The following MAEL variants were observed in gnomAD, a reference collection of about 807,000 sequenced individuals.
The protein encoded by MAEL is maelstrom spermatogenic transposon silencer.
MAEL carries 46 observed loss-of-function variants against 62.0 expected under a neutral mutation model. The observed-to-expected ratio is 0.74, with a 90% CI of 0.59 to 0.95. The LOEUF is 0.95. Ranked by LOEUF, MAEL falls within the 40% of genes least tolerant of loss-of-function variation. The pLI, the probability that MAEL is intolerant of heterozygous loss-of-function variation, is 0.00. For synonymous variants in MAEL, 172 were observed against 175.5 expected (o/e 0.98, Z 0.16); for missense variants, 497 against 526.8 (o/e 0.94, Z 0.55).
Position 166,989,309 on chromosome 1 carries a change from G to A in MAEL, c.-44G>A, listed in dbSNP as rs772250307. On this transcript the variant is annotated 5_prime_UTR_variant, in exon 1 of 12. Coordinates refer to ENST00000367872, the MANE Select transcript of MAEL (RefSeq NM_032858.3). ...AGGGCGGGAGCCCGGCGAGGGCGCCGGTGCTTTGTTCTGTCTGAGGCCAGG... is the reference window on the plus strand; with the variant it reads ...AGGGCGGGAGCCCGGCGAGGGCGCCAGTGCTTTGTTCTGTCTGAGGCCAGG... The A allele has an allele frequency of 1.5e-5, 23 of 1,586,160 alleles. No individual in the cohort carries two copies. Among genetic ancestry groups the A allele is most frequent in the Admixed American group, 3.6e-5 (2 of 56,324 alleles).
In MAEL at chr1:166,991,430, A is replaced by C. The variant is rs1448849490; in HGVS notation, c.278A>C (p.Asn93Thr). 6.2e-7 allele frequency: 1 copy of C among 1,613,520 alleles called. No homozygotes were observed. The highest frequency in any genetic ancestry group is 1.1e-5 in the South Asian group (1 of 91,054). Residue 93 changes from asparagine to threonine, a missense_variant, in exon 3 of 12, where the codon AAT (asparagine) becomes ACT (threonine). Transcript: ENST00000367872. ...RRPGMLVPKQ[N>T]VSPPDMSALS... ...CCAGGCATGCTTGTACCAAAGCAGA[A>C]TGTTTCACCTCCAGATATGTCAGCT...
intron 8 of MAEL, among the ~76,000 whole-genome samples, chr1:167,008,300 A>G (rs1557983634): frequency 2.0e-5 from 3 of 152,126 alleles, no homozygotes; most frequent in East Asian, 3.9e-4. Flanking sequence ...CTGTTCTTCT[A>G]TGGAAATTGG....
chr1:167,014,354 A>G (rs1014650633), intron 8 of MAEL, among the ~76,000 whole-genome samples: 3 of 152,202 alleles, frequency 2.0e-5, no homozygotes, highest in African/African-American at 7.2e-5. Context: ...GTCCATTTTA[A>G]TGAGCTTTTG....
intron 9 of MAEL, among the ~76,000 whole-genome samples, chr1:167,016,676 A>T (rs1665403376): frequency 2.0e-5 from 3 of 152,272 alleles, no homozygotes; most frequent in Admixed American, 2.0e-4. Context: ...AGAAATATCT[A>T]CACTCCCATG....
chr1:166,989,943 G>A, intron 2 of MAEL, 114 bp downstream of exon 2: 1 of 797,014 alleles, frequency 1.3e-6, no homozygotes. Context: ...GGTTCGGTTA[G>A]TGCGAAGACG....
At chr1:167,018,710 T>G (rs997871052) in intron 10 of MAEL, among the ~76,000 whole-genome samples, 2 of 152,218 alleles carry the variant, frequency 1.3e-5, no homozygotes, top group African/African-American at 2.4e-5. Flanking sequence ...AGATTCATCC[T>G]AGTTAATTAT....
intron 3 of MAEL, 132 bp downstream of exon 3, chr1:166,991,609 G>T: frequency 3.5e-6 from 2 of 564,304 alleles, no homozygotes; most frequent in Non-Finnish European, 6.4e-6. Context: ...TAAATATTGT[G>T]GTACTGACAT....
At chr1:166,997,034 G>T (rs1036393782) in intron 5 of MAEL, among the ~76,000 whole-genome samples, 1 of 152,166 alleles carries the variant, frequency 6.6e-6, no homozygotes, top group South Asian at 2.1e-4. Flanking sequence ...CACCATGTTG[G>T]CCAGGCTGGT....
chr1:166,997,104 G>A (rs1664462395), intron 5 of MAEL, among the ~76,000 whole-genome samples: 2 of 152,194 alleles, frequency 1.3e-5, no homozygotes, highest in Non-Finnish European at 2.9e-5. Context: ...GGGCTTACAG[G>A]CGTGAGCCAC....
At chr1:166,985,043 A>T (rs909961990), upstream of MAEL, among the ~76,000 whole-genome samples, 3 of 152,202 alleles carry the variant, frequency 2.0e-5, no homozygotes, top group African/African-American at 7.2e-5. Context: ...CAACCTAATA[A>T]AAAAACTGGT....
intron 10 of MAEL, 28 bp from the exon 11 acceptor site, chr1:167,021,057 C>T (rs1408557307): frequency 6.6e-7 from 1 of 1,511,466 alleles, no homozygotes; most frequent in East Asian, 2.3e-5. Context: ...AAACATTTTT[C>T]CCCCTGGTAT....
At chr1:167,011,261 C>T (rs533087925) in intron 8 of MAEL, among the ~76,000 whole-genome samples, 9 of 152,246 alleles carry the variant, frequency 5.9e-5, no homozygotes, top group African/African-American at 1.4e-4. Context: ...TTGGAAATTA[C>T]AGTTTTCATT....
chr1:167,000,336 T>G (rs1210603864), intron 5 of MAEL, among the ~76,000 whole-genome samples: 1 of 152,196 alleles, frequency 6.6e-6, no homozygotes, highest in Non-Finnish European at 1.5e-5. Context: ...TGAATGACTT[T>G]GAGCAGTTCA....
intron 3 of MAEL, among the ~76,000 whole-genome samples, chr1:166,992,473 G>A (rs1232142265): frequency 1.3e-5 from 2 of 152,052 alleles, no homozygotes; most frequent in East Asian, 3.8e-4. Flanking sequence ...GCAAAGAGTG[G>A]TTACTTTAAT....
Position 167,017,800 on chromosome 1 carries a change from A to G in MAEL, c.909-27A>G, listed in dbSNP as rs186207246. On this transcript the variant is annotated intron_variant, in intron 9 of 11. Transcript: ENST00000367872. ...TTTAGTTGAATTAAATTAGATTCTG[A>G]TAGTGAGATTTTTATTTCTTTTAAA... The G allele has an allele frequency of 3.2e-6, 5 of 1,581,604 alleles. No homozygotes were observed. The African/African-American group carries it at 5.4e-5, about 17-fold the overall frequency.
At chr1:167,014,433 T>C (rs1242768259) in intron 8 of MAEL, among the ~76,000 whole-genome samples, 2 of 152,188 alleles carry the variant, frequency 1.3e-5, no homozygotes, top group African/African-American at 2.4e-5. Context: ...GTGGGAAATA[T>C]GGGAGTGACA....
intron 10 of MAEL, among the ~76,000 whole-genome samples, chr1:167,018,576 T>C (rs946422583): frequency 2.6e-5 from 4 of 152,198 alleles, no homozygotes; most frequent in African/African-American, 9.6e-5. Flanking sequence ...AATGCAGCAA[T>C]ATATGACAGT....
chr1:166,990,625 C>G (rs1571242135), intron 2 of MAEL: 1 of 151,924 alleles, frequency 6.6e-6, no homozygotes, highest in Non-Finnish European at 1.5e-5. Flanking sequence ...CGCCACTGCA[C>G]TCCAGCCTGT....
intron 8 of MAEL, among the ~76,000 whole-genome samples, chr1:167,006,634 TATACA>T (rs1470439874): frequency 7.9e-4 from 74 of 93,128 alleles, no homozygotes; most frequent in African/African-American, 2.6e-3. Flanking sequence ...TATATATATA[TATACA>T]TTTTTTTTTT....
Sources: gnomAD v4.1 joint callset for allele counts (sites outside exome capture counted in the v4.1 genomes callset) on GRCh38, gnomAD v4.1.1 for gene constraint, MANE v1.5 for transcripts, NCBI Gene and HGNC (gene_info 2026-07-23, HGNC 2026-07-21) for gene names.